Variants in SLC9A2 observed in about 807,000 individuals in gnomAD.
SLC9A2 encodes solute carrier family 9 member A2, also known as sodium/hydrogen exchanger 2.
SLC9A2 carries 42 observed loss-of-function variants against 71.7 expected under a neutral mutation model. That is an observed-to-expected ratio of 0.59 (90% CI 0.46 to 0.76). The LOEUF (loss-of-function observed/expected upper bound fraction) is 0.76. Among genes scored for constraint, SLC9A2 ranks in the 30% least tolerant of loss-of-function variants. The pLI, the probability that SLC9A2 is intolerant of heterozygous loss-of-function variation, is 0.00. For missense variants in SLC9A2, 829 were observed against 1,017.4 expected (o/e 0.81, Z 2.52); for synonymous variants, 396 against 392.5 (o/e 1.01, Z -0.10).
At chr2:102,690,704 C>T (rs1316790032) in intron 5 of SLC9A2, among the ~76,000 whole-genome samples, 1 of 152,132 alleles carries the variant, frequency 6.6e-6, no homozygotes, top group East Asian at 1.9e-4. Context: ...GCTTCTCACT[C>T]CACCTATCCC....
intron 5 of SLC9A2, among the ~76,000 whole-genome samples, 163 bp from the exon 6 acceptor site, chr2:102,694,251 T>C (rs1677711450): frequency 1.3e-5 from 2 of 152,194 alleles, no homozygotes; most frequent in African/African-American, 4.8e-5. Context: ...TGTTAAATCT[T>C]GGTAGCCAAA....
At chr2:102,696,067 G>C (rs140313841) in intron 7 of SLC9A2, among the ~76,000 whole-genome samples, 1 of 151,992 alleles carries the variant, frequency 6.6e-6, no homozygotes, top group East Asian at 1.9e-4. Flanking sequence ...TCTGACAGCA[G>C]AGCTAGGAGC....
At position 102,656,796 on chromosome 2, in the gene SLC9A2, G is replaced by A. The variant is rs141390806; in HGVS notation, c.290-768G>A. Among the ~76,000 whole-genome samples, 1,214 of 152,176 alleles carry A rather than the reference G, an allele frequency of 8.0e-3. 15 individuals carry two copies. Among genetic ancestry groups the A allele is most frequent in the African/African-American group, 0.028 (1,153 of 41,534 alleles). ...TGGATCTCTTTCAGCTTCAATTCCC[G>A]CTTAAATTTTTACAAAGCATGAAAA... On this transcript the variant is annotated intron_variant, in intron 1 of 11. Transcript: ENST00000233969.
chr2:102,673,848 G>A (rs989531499), intron 3 of SLC9A2, among the ~76,000 whole-genome samples: 17 of 150,580 alleles, frequency 1.1e-4, no homozygotes, highest in Middle Eastern at 3.4e-3. Context: ...GTATAGTGGC[G>A]TGATCTTGGC....
chr2:102,619,755 GGGCA>G lies in SLC9A2; in HGVS notation c.-91_-88del. 1 of 1,232,586 alleles carries G rather than the reference GGGCA, an allele frequency of 8.1e-7. No individual in the cohort carries two copies. Among genetic ancestry groups the G allele is most frequent in the Non-Finnish European group, 1.1e-6 (1 of 924,676 alleles). 76.4% of individuals were successfully genotyped at this position (1,232,586 alleles called of 1,614,324 possible). A position where few individuals can be genotyped will look rare whatever the true frequency, so the allele number is the denominator to read the frequency against. On this transcript the variant is annotated 5_prime_UTR_variant, in exon 1 of 12. Coordinates refer to ENST00000233969, the MANE Select transcript of SLC9A2 (RefSeq NM_003048.6). This position sits in a 1 kb window ranked among gnomAD's most constrained non-coding sequence, Gnocchi z 4.3. ...GGCTGTCGCTGCCCTGCCCTGCACGGGGCAGGGCGGAGCGGGCTGAGCAGCCCGG... is the reference window on the plus strand; with the variant it reads ...GGCTGTCGCTGCCCTGCCCTGCACGGGGGCGGAGCGGGCTGAGCAGCCCGG...
chr2:102,646,905 A>G (rs1258338682), intron 1 of SLC9A2, among the ~76,000 whole-genome samples: 1 of 151,894 alleles, frequency 6.6e-6, no homozygotes, highest in Non-Finnish European at 1.5e-5. Context: ...AGACAGATCA[A>G]CAAGACAGAA....
intron 1 of SLC9A2, among the ~76,000 whole-genome samples, chr2:102,651,987 G>A (rs907519678): frequency 6.6e-6 from 1 of 152,086 alleles, no homozygotes; most frequent in African/African-American, 2.4e-5. Flanking sequence ...TATTGCTAAA[G>A]AGTCACATTC....
intron 3 of SLC9A2, among the ~76,000 whole-genome samples, chr2:102,676,481 G>A (rs1392519315): frequency 6.6e-6 from 1 of 152,214 alleles, no homozygotes; most frequent in African/African-American, 2.4e-5. Context: ...AAAAGTTGCA[G>A]AGAATTTATG....
chr2:102,694,327 A>G (rs1369837335), intron 5 of SLC9A2, 87 bp from the exon 6 acceptor site: 2 of 377,710 alleles, frequency 5.3e-6, no homozygotes, highest in African/African-American at 4.8e-5. Context: ...TGTAGTTTAT[A>G]AAAAATTTAT....
chr2:102,646,761 G>A lies in SLC9A2; in HGVS notation c.290-10803G>A, dbSNP rs1220591971. On this transcript the variant is annotated intron_variant, in intron 1 of 11. Coordinates refer to ENST00000233969, the MANE Select transcript of SLC9A2 (RefSeq NM_003048.6). ...GATCAATGCAGCAAGAAGAGCTAACGATCCTAAATATATATATATATATAT... is the reference window on the plus strand; with the variant it reads ...GATCAATGCAGCAAGAAGAGCTAACAATCCTAAATATATATATATATATAT... 8.0e-5 allele frequency among the ~76,000 whole-genome samples: 7 copies of A among 87,222 alleles called. No homozygotes were observed. The South Asian group carries it at 2.1e-3, about 26-fold the overall frequency. The allele number at this position is 87,222 out of a possible 152,430, so 57.2% of individuals were successfully genotyped here. A position where few individuals can be genotyped will look rare whatever the true frequency, so the allele number is the denominator to read the frequency against.
chr2:102,636,269 C>T (rs1460522020), intron 1 of SLC9A2, among the ~76,000 whole-genome samples: 1 of 152,170 alleles, frequency 6.6e-6, no homozygotes, highest in Non-Finnish European at 1.5e-5. Flanking sequence ...AGTATTCTAG[C>T]AAGCTTGGAA....
At chr2:102,627,293 GGCAAAGACAGATGGAGACCT>G (rs754620076) in intron 1 of SLC9A2, among the ~76,000 whole-genome samples, 3 of 151,914 alleles carry the variant, frequency 2.0e-5, no homozygotes, top group Non-Finnish European at 2.9e-5. Context: ...AGTGGGAGTG[GGCAAAGACAGATGGAGACCT>G]GCTCTCTTAG....
chr2:102,665,051 TG>T (rs745368141), intron 2 of SLC9A2, 48 bp from the exon 3 acceptor site: 7 of 1,573,974 alleles, frequency 4.4e-6, no homozygotes, highest in Non-Finnish European at 6.0e-6. Context: ...AGAGTGACAA[TG>T]GGGAAATGGG....
chr2:102,683,343 A>T lies in SLC9A2; in HGVS notation c.1087A>T (p.Met363Leu). The T allele has an allele frequency of 6.2e-7, 1 of 1,614,152 alleles. No individual in the cohort carries two copies. Among genetic ancestry groups the T allele is most frequent in the South Asian group, 1.1e-5 (1 of 91,084 alleles). Residue 363 changes from methionine (M) to leucine (L), a missense_variant, in exon 4 of 12, where the codon ATG (methionine) becomes TTG (leucine). This residue lies in a region of SLC9A2 where 500 missense variants were observed against 726.3 expected (regional missense o/e 0.69). Coordinates refer to ENST00000233969, the MANE Select transcript of SLC9A2 (RefSeq NM_003048.6). ...QKSYTTIKYF[M>L]KMLSSVSETL... is the part of the protein sequence containing the mutation. Reference sequence around the variant, plus strand: ...ATCCTACACGACCATCAAGTACTTCATGAAGATGCTGAGCAGTGTCAGCGA... The same window carrying T: ...ATCCTACACGACCATCAAGTACTTCTTGAAGATGCTGAGCAGTGTCAGCGA...
chr2:102,701,036 A>C, intron 7 of SLC9A2, 34 bp from the exon 8 acceptor site: 1 of 1,421,904 alleles, frequency 7.0e-7, no homozygotes, highest in South Asian at 1.3e-5. Flanking sequence ...TAGTCAATCC[A>C]GTATTAATTT....
intron 1 of SLC9A2, among the ~76,000 whole-genome samples, chr2:102,632,066 A>ATATATG (rs1676372387): frequency 7.3e-6 from 1 of 136,280 alleles, no homozygotes; most frequent in South Asian, 2.2e-4. Flanking sequence ...ATATACACAC[A>ATATATG]CATATATATA....
intron 2 of SLC9A2, among the ~76,000 whole-genome samples, chr2:102,661,555 G>T (rs898273938): frequency 1.3e-5 from 2 of 152,004 alleles, no homozygotes; most frequent in African/African-American, 4.8e-5. Context: ...TCTGATAGAC[G>T]ACTGTATTTG....
intron 5 of SLC9A2, among the ~76,000 whole-genome samples, chr2:102,688,445 C>G (rs767373967): frequency 5.3e-5 from 8 of 152,098 alleles, no homozygotes; most frequent in Non-Finnish European, 1.0e-4. Context: ...AAAATTATAA[C>G]GAGGCCATGT....
At chr2:102,623,146 A>T (rs943487913) in intron 1 of SLC9A2, among the ~76,000 whole-genome samples, 2 of 152,000 alleles carry the variant, frequency 1.3e-5, no homozygotes, top group African/African-American at 4.8e-5. Flanking sequence ...GTGCTTGGCT[A>T]TGGAAATCAT....
Sources: allele counts gnomAD v4.1 joint callset (sites outside exome capture counted in the v4.1 genomes callset), GRCh38; gene constraint gnomAD v4.1.1; regional missense constraint gnomAD v4.1.1; non-coding constraint Gnocchi (gnomAD v3.1); transcripts MANE v1.5; gene names NCBI Gene and HGNC (gene_info 2026-07-23, HGNC 2026-07-21).